TMEM87A: variants seen among roughly 807,000 people sequenced by gnomAD.
The protein encoded by TMEM87A is Golgi-pH regulating cation channel.
Under a neutral mutation model 90.0 loss-of-function variants are expected in TMEM87A, and 50 were observed. The ratio of observed to expected loss-of-function variants is 0.56; its 90% CI spans 0.44 to 0.70. The LOEUF is 0.70. TMEM87A is among the 30% of genes least tolerant of loss of function. The pLI is 0.00. For missense variants in TMEM87A, 577 were observed against 660.5 expected, an observed-to-expected ratio of 0.87 and a Z score of 1.39; for synonymous variants, 226 against 226.7, an observed-to-expected ratio of 1.00 and a Z score of 0.03.
At chr15:42,246,584 C>T (rs1037636917) in intron 6 of TMEM87A, among the ~76,000 whole-genome samples, 1 of 152,104 alleles carries the variant, frequency 6.6e-6, no homozygotes, top group Non-Finnish European at 1.5e-5. Flanking sequence ...CAGAATGATG[C>T]TTTCCAGCTT....
chr15:42,273,545 TCA>T (rs762737989), upstream of TMEM87A: 478 of 1,365,360 alleles, frequency 3.5e-4, no homozygotes, highest in Non-Finnish European at 4.5e-4. Flanking sequence ...GGCCCCTCTC[TCA>T]GACAGTCGTC....
intron 19 of TMEM87A, 146 bp from the exon 20 acceptor site, chr15:42,211,895 G>T: frequency 1.3e-6 from 1 of 770,328 alleles, no homozygotes; most frequent in Non-Finnish European, 2.0e-6. Flanking sequence ...AAACATTTGT[G>T]AAGATTTTGA....
At chr15:42,272,851 G>C (rs1186974480) in intron 1 of TMEM87A, 3 of 438,918 alleles carry the variant, frequency 6.8e-6, no homozygotes, top group African/African-American at 4.1e-5. Context: ...AAGTGCAGAG[G>C]AAGAAAAAGA....
chr15:42,238,798 A>T (rs944997137), intron 8 of TMEM87A, among the ~76,000 whole-genome samples: 1 of 148,046 alleles, frequency 6.8e-6, no homozygotes, highest in Non-Finnish European at 1.5e-5. Flanking sequence ...CTCACGATCT[A>T]AAATTATATA....
intron 6 of TMEM87A, among the ~76,000 whole-genome samples, chr15:42,259,222 A>T (rs1485576467): frequency 1.3e-5 from 2 of 152,140 alleles, no homozygotes; most frequent in African/African-American, 4.8e-5. Flanking sequence ...TTCTGGGTTC[A>T]AGTGATTCTC....
At chr15:42,221,186 T>A (rs117117845) in intron 15 of TMEM87A, among the ~76,000 whole-genome samples, 3,285 of 151,654 alleles carry the variant, frequency 0.022, 39 homozygotes, top group Non-Finnish European at 0.033. Context: ...GGAACAGAAG[T>A]TGCAGTGAGC....
At chr15:42,261,099 G>A (rs1195305569) in intron 5 of TMEM87A, 97 bp from the exon 6 acceptor site, 3 of 1,542,958 alleles carry the variant, frequency 1.9e-6, no homozygotes, top group African/African-American at 2.8e-5. Flanking sequence ...CTCCCCAGGT[G>A]CAGCACTCCC....
chr15:42,247,265 T>C (rs1276856241), intron 6 of TMEM87A, among the ~76,000 whole-genome samples: 1 of 152,250 alleles, frequency 6.6e-6, no homozygotes, highest in South Asian at 2.1e-4. Context: ...GACGGTAGTT[T>C]CTTTTGCTGT....
At chr15:42,222,012 C>T (rs2050496065) in intron 15 of TMEM87A, among the ~76,000 whole-genome samples, 2 of 152,192 alleles carry the variant, frequency 1.3e-5, no homozygotes, top group African/African-American at 2.4e-5. Flanking sequence ...GGCCAGACCT[C>T]CCAAAGTGCT....
At chr15:42,273,451 C>T (rs1217220544), upstream of TMEM87A, 2 of 1,607,498 alleles carry the variant, frequency 1.2e-6, no homozygotes, top group Admixed American at 1.7e-5. Flanking sequence ...TCCGGTTCGT[C>T]CCGCCTTCTT....
chr15:42,261,541 G>C (rs1289107731), intron 4 of TMEM87A, among the ~76,000 whole-genome samples: 1 of 152,104 alleles, frequency 6.6e-6, no homozygotes, highest in Non-Finnish European at 1.5e-5. Context: ...TAGGATAGAA[G>C]AAGCTTAGAT....
intron 7 of TMEM87A, among the ~76,000 whole-genome samples, chr15:42,242,517 G>C (rs1032207462): frequency 1.4e-5 from 1 of 70,434 alleles, no homozygotes; most frequent in Admixed American, 1.1e-4. Context: ...ATGAGTGAGG[G>C]GGAGAGGGAC....
chr15:42,251,036 A>T (rs966252935), intron 6 of TMEM87A, among the ~76,000 whole-genome samples: 1 of 152,116 alleles, frequency 6.6e-6, no homozygotes, highest in African/African-American at 2.4e-5. Flanking sequence ...CGAATCAGCT[A>T]CTGAAGCTTG....
intron 11 of TMEM87A, among the ~76,000 whole-genome samples, chr15:42,232,462 T>C (rs1163967894): frequency 1.3e-5 from 2 of 152,146 alleles, no homozygotes; most frequent in Non-Finnish European, 1.5e-5. Context: ...GGTGTGAAAC[T>C]TCATTAGCTG....
intron 17 of TMEM87A, among the ~76,000 whole-genome samples, chr15:42,218,643 G>A (rs369623641): frequency 3.9e-5 from 6 of 152,134 alleles, no homozygotes; most frequent in South Asian, 2.1e-4. Flanking sequence ...TAGATTCGAC[G>A]TAAGTGAGAT....
chr15:42,264,215 G>C lies in TMEM87A; in HGVS notation c.292-12C>G, dbSNP rs369361902. Reference sequence around the variant, plus strand: ...TCTACTTCTTCTGCCTGGAAAAAGAGATAATACAGAGTAGTTAACTCACCT... The same window carrying C: ...TCTACTTCTTCTGCCTGGAAAAAGACATAATACAGAGTAGTTAACTCACCT... On this transcript the variant is annotated splice_polypyrimidine_tract_variant and intron_variant, in intron 3 of 19. Coordinates refer to ENST00000389834, the MANE Select transcript of TMEM87A (RefSeq NM_015497.5). The C allele has an allele frequency of 8.4e-5, 133 of 1,586,612 alleles. No homozygotes were observed. The highest frequency in any genetic ancestry group is 1.1e-4 in the Non-Finnish European group (129 of 1,156,584).
At chr15:42,248,342 G>A (rs2051017098) in intron 6 of TMEM87A, among the ~76,000 whole-genome samples, 1 of 152,148 alleles carries the variant, frequency 6.6e-6, no homozygotes, top group African/African-American at 2.4e-5. Flanking sequence ...AGTGAGAGAG[G>A]ACATCCCTGT....
chr15:42,228,695 G>C lies in TMEM87A; in HGVS notation c.1240+17C>G, dbSNP rs368086525. On this transcript the variant is annotated intron_variant, in intron 13 of 19. Transcript: ENST00000389834. The stretch of plus-strand genomic sequence containing the variant: ...ACAGATCACATTTGAACTCCAAGAA[G>C]AAAGTCCCAGACTTACCTGCCACTG... The C allele has an allele frequency of 3.5e-5, 56 of 1,603,922 alleles. No individual in the cohort carries two copies. In the South Asian group the frequency reaches 4.4e-4, roughly 13 times the overall value.
At chr15:42,261,147 C>T in intron 5 of TMEM87A, 49 bp downstream of exon 5, 2 of 1,594,436 alleles carry the variant, frequency 1.3e-6, no homozygotes, top group Non-Finnish European at 1.7e-6. Context: ...TCTCCTGCAC[C>T]ACCAAAGTTT....
Sources: allele counts gnomAD v4.1 joint callset (sites outside exome capture counted in the v4.1 genomes callset), GRCh38; gene constraint gnomAD v4.1.1; transcripts MANE v1.5; gene names NCBI Gene and HGNC (gene_info 2026-07-23, HGNC 2026-07-21).